Variants in GOLGA4 observed in about 807,000 individuals in gnomAD.
GOLGA4 encodes the protein golgin subfamily A member 4.
Under a neutral mutation model 265.9 loss-of-function variants are expected in GOLGA4, and 169 were observed. The observed-to-expected ratio is 0.64, with a 90% CI of 0.56 to 0.72. GOLGA4 has a LOEUF of 0.72. GOLGA4 is among the 30% of genes least tolerant of loss of function. The pLI is 0.00. For missense variants in GOLGA4, 2,482 were observed against 2,483.4 expected, an observed-to-expected ratio of 1.00 and a Z score of 0.01; for synonymous variants, 923 against 855.8, an observed-to-expected ratio of 1.08 and a Z score of -1.37.
chr3:37,295,394 T>G (rs1239554064), intron 6 of GOLGA4, among the ~76,000 whole-genome samples: 2 of 152,122 alleles, frequency 1.3e-5, no homozygotes, highest in African/African-American at 2.4e-5. Context: ...AATTTTTAAA[T>G]TTTTTGTAGA....
In GOLGA4 at chr3:37,325,432, T is replaced by C; in HGVS notation, c.3546T>C (p.Asp1182=). 1.9e-6 allele frequency: 3 copies of C among 1,611,198 alleles called. No homozygotes were observed. The highest frequency in any genetic ancestry group is 1.7e-6 in the Non-Finnish European group (2 of 1,179,172). Residue 1182 remains aspartate, a synonymous_variant, in exon 14 of 24, where the codon GAT becomes GAC. Coordinates refer to ENST00000361924, the MANE Select transcript of GOLGA4 (RefSeq NM_002078.5). The part of the protein sequence containing the change: ...SELTSKLKTT[D]EEFQSLKSSH... Reference sequence around the variant, plus strand: ...TGACTAGCAAGTTGAAAACCACAGATGAAGAATTCCAGAGTTTGAAATCTT... The same window carrying C: ...TGACTAGCAAGTTGAAAACCACAGACGAAGAATTCCAGAGTTTGAAATCTT...
intron 1 of GOLGA4, chr3:37,250,602 A>G (rs2096731164): frequency 6.6e-6 from 1 of 152,194 alleles, no homozygotes; most frequent in Non-Finnish European, 1.5e-5. Flanking sequence ...CAGACTACAA[A>G]AAGAGGTAAG....
intron 6 of GOLGA4, 45 bp from the exon 7 acceptor site, chr3:37,296,042 C>T (rs757958775): frequency 6.4e-7 from 1 of 1,566,258 alleles, no homozygotes; most frequent in Admixed American, 1.7e-5. Flanking sequence ...GTACTACTCC[C>T]ATAGTTTTTT....
At chr3:37,273,712 T>A in intron 2 of GOLGA4, 1 of 695,940 alleles carries the variant, frequency 1.4e-6, no homozygotes, top group Non-Finnish European at 2.6e-6. Flanking sequence ...GTCCAAATAT[T>A]CAGTACAGTA....
At chr3:37,359,111 C>T (rs1400939135) in intron 22 of GOLGA4, among the ~76,000 whole-genome samples, 1 of 152,126 alleles carries the variant, frequency 6.6e-6, no homozygotes, top group Non-Finnish European at 1.5e-5. Flanking sequence ...CCTAGAACAG[C>T]TTTTTTTCCC....
chr3:37,337,278 CA>C, intron 18 of GOLGA4, 115 bp downstream of exon 18: 1 of 645,666 alleles, frequency 1.5e-6, no homozygotes, highest in Non-Finnish European at 2.7e-6. Context: ...TGGCTCACTG[CA>C]ACCTCTGCCT....
intron 2 of GOLGA4, among the ~76,000 whole-genome samples, chr3:37,272,258 A>C (rs985276248): frequency 2.3e-4 from 35 of 152,162 alleles, no homozygotes; most frequent in African/African-American, 7.5e-4. Flanking sequence ...ACTACTCTAA[A>C]AGATAAAGAT....
At chr3:37,312,325 A>AT (rs928940898) in intron 10 of GOLGA4, among the ~76,000 whole-genome samples, 2 of 152,164 alleles carry the variant, frequency 1.3e-5, no homozygotes, top group Non-Finnish European at 2.9e-5. Flanking sequence ...TACTTGACTG[A>AT]TTTTTTTAAG....
intron 2 of GOLGA4, among the ~76,000 whole-genome samples, chr3:37,271,497 ATAGTAG>A (rs1291708329): frequency 2.0e-5 from 3 of 152,302 alleles, no homozygotes; most frequent in Admixed American, 6.5e-5. Context: ...AAAAGTGGAA[ATAGTAG>A]TAGTATTGGT....
chr3:37,263,347 C>T (rs2096775077), intron 2 of GOLGA4, among the ~76,000 whole-genome samples: 1 of 152,144 alleles, frequency 6.6e-6, no homozygotes, highest in African/African-American at 2.4e-5. Flanking sequence ...AGTCTTTTAG[C>T]AGCCTAAAGG....
At chr3:37,244,228 C>T (rs1212512227) in intron 1 of GOLGA4, 1 of 152,514 alleles carries the variant, frequency 6.6e-6, no homozygotes, top group Non-Finnish European at 1.5e-5. Context: ...GCGTCCAGCG[C>T]CCGAGGCTGT....
At chr3:37,305,296 T>C (rs1242775160) in intron 10 of GOLGA4, among the ~76,000 whole-genome samples, 3 of 152,198 alleles carry the variant, frequency 2.0e-5, no homozygotes, top group African/African-American at 7.2e-5. Context: ...TATAGATTTC[T>C]TAAAAATTAT....
intron 2 of GOLGA4, among the ~76,000 whole-genome samples, chr3:37,277,307 T>C (rs1285969696): frequency 1.3e-5 from 2 of 152,210 alleles, no homozygotes; most frequent in African/African-American, 4.8e-5. Flanking sequence ...TGTTTGACTT[T>C]ATAATGTGTT....
In GOLGA4 at chr3:37,326,908, G is replaced by C. The variant is rs1279609056; in HGVS notation, c.5022G>C (p.Leu1674Phe). ...EQYKKGTESHLSELNTKLQER... is the reference protein window; with the variant it reads ...EQYKKGTESHFSELNTKLQER... Reference sequence around the variant, plus strand: ...ATAAAAAAGGTACAGAAAGCCATTTGAGTGAGCTAAATACAAAATTGCAGG... The same window carrying C: ...ATAAAAAAGGTACAGAAAGCCATTTCAGTGAGCTAAATACAAAATTGCAGG... The change falls in exon 14 of 24, where the codon TTG (leucine) becomes TTC (phenylalanine). Residue 1674 changes from leucine to phenylalanine, a missense_variant. Physicochemically the swap from Leu to Phe is conservative, Grantham distance 22. Around this residue, in one of 3 missense-constraint regions of GOLGA4, gnomAD observed 942 missense variants for 983.1 expected, o/e 0.96. Coordinates refer to ENST00000361924, the MANE Select transcript of GOLGA4 (RefSeq NM_002078.5). The C allele has an allele frequency of 6.2e-7, 1 of 1,613,786 alleles. No individual in the cohort carries two copies. Among genetic ancestry groups the C allele is most frequent in the South Asian group, 1.1e-5 (1 of 91,034 alleles).
intron 2 of GOLGA4, among the ~76,000 whole-genome samples, chr3:37,258,703 G>A (rs76307783): frequency 0.026 from 3,968 of 152,170 alleles, 152 homozygotes; most frequent in African/African-American, 0.09. Context: ...TAAAGGCATC[G>A]TTTTAGGGAT....
In GOLGA4 at chr3:37,329,014, C is replaced by T; in HGVS notation, c.6113C>T (p.Thr2038Ile). The change falls in exon 16 of 24, where the codon ACA (threonine) becomes ATA (isoleucine). Residue 2038 changes from threonine to isoleucine, a missense_variant. Coordinates refer to ENST00000361924, the MANE Select transcript of GOLGA4 (RefSeq NM_002078.5). ...CTTTTAGAAAGCCATCAAGAAGAGA[C>T]AAATCAGTTACTTAAAAAAATTGCT... The part of the protein sequence containing the change: ...AELLESHQEE[T>I]NQLLKKIAEK... The T allele has an allele frequency of 6.2e-7, 1 of 1,610,084 alleles. No individual in the cohort carries two copies.
chr3:37,326,717 G>A lies in GOLGA4; in HGVS notation c.4831G>A (p.Val1611Met), dbSNP rs766566466. The change falls in exon 14 of 24, where the codon GTG becomes ATG. Residue 1611 changes from valine to methionine, a missense_variant. By Grantham distance (21) the Val-to-Met change is conservative (BLOSUM62 1). Coordinates refer to ENST00000361924, the MANE Select transcript of GOLGA4 (RefSeq NM_002078.5). The stretch of plus-strand genomic sequence containing the variant: ...AACTAAGAAGAAAGAATTAGAACAT[G>A]TGAATTTAAGTGTGAAAAGCAAAGA... ...LETKKKELEH[V>M]NLSVKSKEEE... 1.2e-6 allele frequency: 2 copies of A among 1,613,556 alleles called. No individual in the cohort carries two copies. Among genetic ancestry groups the A allele is most frequent in the Non-Finnish European group, 1.7e-6 (2 of 1,179,698 alleles).
In GOLGA4 at chr3:37,366,176, A is replaced by G; in HGVS notation, c.*130A>G. Reference sequence around the variant, plus strand: ...GCTACTCTTTGAGAATGAAGTTGTCATTCAGGGCCCCTCATGTAGCCAAAA... The same window carrying G: ...GCTACTCTTTGAGAATGAAGTTGTCGTTCAGGGCCCCTCATGTAGCCAAAA... On this transcript the variant is annotated 3_prime_UTR_variant, in exon 24 of 24. Transcript: ENST00000361924. The G allele has an allele frequency of 8.1e-7, 1 of 1,239,092 alleles. No homozygotes were observed. Among genetic ancestry groups the G allele is most frequent in the Non-Finnish European group, 1.1e-6 (1 of 907,018 alleles). 76.8% of individuals were successfully genotyped at this position (1,239,092 alleles called of 1,614,324 possible).
chr3:37,303,900 G>A (rs1291131608), intron 10 of GOLGA4, among the ~76,000 whole-genome samples: 2 of 152,132 alleles, frequency 1.3e-5, no homozygotes, highest in African/African-American at 4.8e-5. Flanking sequence ...CCTCACAAGT[G>A]TATGAAATAA....
Sources: allele counts gnomAD v4.1 joint callset (sites outside exome capture counted in the v4.1 genomes callset), GRCh38; gene constraint gnomAD v4.1.1; regional missense constraint gnomAD v4.1.1; transcripts MANE v1.5; gene names NCBI Gene and HGNC (gene_info 2026-07-23, HGNC 2026-07-21).